The following TXNDC17 variants were observed in gnomAD, a reference collection of about 807,000 sequenced individuals.
The protein encoded by TXNDC17 is thioredoxin domain-containing protein 17.
Under a neutral mutation model 16.3 loss-of-function variants are expected in TXNDC17, and 12 were observed. The ratio of observed to expected loss-of-function variants is 0.74; its 90% CI spans 0.47 to 1.19. The LOEUF (loss-of-function observed/expected upper bound fraction) is 1.19, where lower values mean the gene tolerates loss of function less well. Among genes scored for constraint, TXNDC17 ranks in the 50% most tolerant of loss-of-function variants. The pLI is 0.00. For missense variants in TXNDC17, 158 were observed against 149.7 expected (o/e 1.06, Z -0.29); for synonymous variants, 62 against 55.0 (o/e 1.13, Z -0.56).
At position 6,641,066 on chromosome 17, in the gene TXNDC17, G is replaced by T. The variant is rs368084248; in HGVS notation, c.-17G>T. 24 of 1,609,970 alleles carry T rather than the reference G, an allele frequency of 1.5e-5. No homozygotes were observed. The Admixed American group carries it at 2.7e-4, about 18-fold the overall frequency. On this transcript the variant is annotated 5_prime_UTR_variant, in exon 1 of 4. Coordinates refer to ENST00000250101, the MANE Select transcript of TXNDC17 (RefSeq NM_032731.4). ...ACCGGACGTGCACTCCTCCAGTAGC[G>T]GCTGCACGTCGTGCCAATGGCCCGC...
At chr17:6,641,300 CT>C in intron 1 of TXNDC17, 73 bp downstream of exon 1, 1 of 1,583,516 alleles carries the variant, frequency 6.3e-7, no homozygotes, top group Non-Finnish European at 8.6e-7. Flanking sequence ...AGAAGGGGGG[CT>C]TAGCGGAGGC....
Position 6,641,821 on chromosome 17 carries a change from G to A in TXNDC17, c.214G>A (p.Gly72Arg), listed in dbSNP as rs1324638614. 5 of 1,614,052 alleles carry A rather than the reference G, an allele frequency of 3.1e-6. No homozygotes were observed. The highest frequency in any genetic ancestry group is 1.3e-5 in the African/African-American group (1 of 74,922). The change falls in exon 2 of 4, where the codon GGA (glycine) becomes AGA (arginine). Residue 72 changes from glycine (G) to arginine (R), a missense_variant. Transcript: ENST00000250101. Reference sequence around the variant, plus strand: ...ATGTGTGTTCATCTACTGCCAAGTAGGAGAAAAGCCTTAGTAAGTGGCAAT... The same window carrying A: ...ATGTGTGTTCATCTACTGCCAAGTAAGAGAAAAGCCTTAGTAAGTGGCAAT... ...EGCVFIYCQVGEKPYWKDPNN... is the reference protein window; with the variant it reads ...EGCVFIYCQVREKPYWKDPNN...
chr17:6,642,215 A>G, intron 2 of TXNDC17, 34 bp from the exon 3 acceptor site: 1 of 1,490,292 alleles, frequency 6.7e-7, no homozygotes, highest in Non-Finnish European at 9.3e-7. Flanking sequence ...AACCAAGTAA[A>G]TTTTTTTCAT....
In TXNDC17 at chr17:6,643,212, G is replaced by A. The variant is rs1374974291; in HGVS notation, c.*193G>A. The A allele has an allele frequency of 3.9e-6, 2 of 511,618 alleles. No individual in the cohort carries two copies. The highest frequency in any genetic ancestry group is 3.5e-6 in the Non-Finnish European group (1 of 289,720). The allele number at this position is 511,618 out of a possible 1,614,324, so 31.7% of individuals were successfully genotyped here. On this transcript the variant is annotated 3_prime_UTR_variant, in exon 4 of 4. Transcript: ENST00000250101. The stretch of plus-strand genomic sequence containing the variant: ...TACATGGATATTTTTAAGATATAAA[G>A]AAGTCTTCAGAAATAGCAGTAAAGG...
rs72835776 is a variant in TXNDC17 at position 6,643,684 on chromosome 17, G to A, written c.*665G>A. The stretch of plus-strand genomic sequence containing the variant: ...TAACCACAGGCAAGTTACTCACCCC[G>A]TCCAAACCTCAGTTTTCTCTTCTAT... On this transcript the variant is annotated 3_prime_UTR_variant, in exon 4 of 4. Coordinates refer to ENST00000250101, the MANE Select transcript of TXNDC17 (RefSeq NM_032731.4). 0.078 allele frequency: 12,002 copies of A among 154,780 alleles called. 547 individuals are homozygous for A. The highest frequency in any genetic ancestry group is 0.11 in the Non-Finnish European group (7,514 of 69,776). The allele number at this position is 154,780 out of a possible 1,614,324, so 9.6% of individuals were successfully genotyped here.
intron 1 of TXNDC17, 90 bp downstream of exon 1, chr17:6,641,317 C>T (rs967901959): frequency 1.9e-6 from 3 of 1,558,142 alleles, no homozygotes; most frequent in Non-Finnish European, 2.6e-6. Context: ...GAGGCAGAGT[C>T]TTGGTTCCAG....
rs1972645604 is a variant in TXNDC17, at chr17:6,641,094, T to C, written c.12T>C (p.Tyr4=). 1.9e-6 allele frequency: 3 copies of C among 1,613,032 alleles called. No individual in the cohort carries two copies. The highest frequency in any genetic ancestry group is 2.7e-5 in the African/African-American group (2 of 74,900). Residue 4 remains tyrosine (Y), a synonymous_variant, in exon 1 of 4, where the codon TAT becomes TAC. Coordinates refer to ENST00000250101, the MANE Select transcript of TXNDC17 (RefSeq NM_032731.4). ...TGCACGTCGTGCCAATGGCCCGCTA[T>C]GAGGAGGTGAGCGTGTCCGGCTTCG... MAR[Y]EEVSVSGFEE...
intron 2 of TXNDC17, 81 bp from the exon 3 acceptor site, chr17:6,642,168 A>G (rs1042977229): frequency 2.0e-6 from 2 of 988,846 alleles, no homozygotes; most frequent in Non-Finnish European, 3.1e-6. Flanking sequence ...AAAAAATTAA[A>G]TGTAGGACTA....
Position 6,643,944 on chromosome 17 carries a change from A to G in TXNDC17, c.*925A>G, listed in dbSNP as rs1425028669. ...GATTCTTAAAGCCACCTTGCAAAGC[A>G]GGTAATACAGTTATTTCCTGTCCTG... On this transcript the variant is annotated 3_prime_UTR_variant, in exon 4 of 4. Coordinates refer to ENST00000250101, the MANE Select transcript of TXNDC17 (RefSeq NM_032731.4). 7.6e-6 allele frequency: 3 copies of G among 395,816 alleles called. No individual in the cohort carries two copies. Among genetic ancestry groups the G allele is most frequent in the African/African-American group, 6.2e-5 (3 of 48,592 alleles). The allele number at this position is 395,816 out of a possible 1,614,324, so 24.5% of individuals were successfully genotyped here.
At chr17:6,641,596 C>A in intron 1 of TXNDC17, 157 bp from the exon 2 acceptor site, 1 of 760,338 alleles carries the variant, frequency 1.3e-6, no homozygotes, top group Non-Finnish European at 2.2e-6. Context: ...GGCTCTAAGA[C>A]CAGAAGGGAA....
rs1177014042 is a variant in TXNDC17, at chr17:6,642,000, G to GT, written c.227+167dup. ...AATTTAAAATGCCCACCTGAATTAA[G>GT]TAAGGGTAATTCAACGAATTTGGTC... On this transcript the variant is annotated intron_variant, in intron 2 of 3. Transcript: ENST00000250101. The GT allele has an allele frequency of 4.1e-6, 3 of 735,930 alleles. No homozygotes were observed. In the African/African-American group the frequency reaches 5.3e-5, roughly 13 times the overall value. 45.6% of individuals were successfully genotyped at this position (735,930 alleles called of 1,614,324 possible).
At chr17:6,642,052 T>G in intron 2 of TXNDC17, 197 bp from the exon 3 acceptor site, 1 of 657,554 alleles carries the variant, frequency 1.5e-6, no homozygotes, top group South Asian at 2.0e-5. Flanking sequence ...CTTAGCTGGC[T>G]TTACTTTTAT....
Position 6,641,639 on chromosome 17 carries a change from G to A in TXNDC17, c.146-114G>A, listed in dbSNP as rs1328143193. 11 of 976,358 alleles carry A rather than the reference G, an allele frequency of 1.1e-5. No homozygotes were observed. The African/African-American group carries it at 1.8e-4, about 16-fold the overall frequency. The allele number at this position is 976,358 out of a possible 1,614,324, so 60.5% of individuals were successfully genotyped here. ...CTTGTGTTGACCTCTTCAGTTAGCT[G>A]CAGGTTAAAGTCTGAGTGCTTACCA... On this transcript the variant is annotated intron_variant, in intron 1 of 3. Coordinates refer to ENST00000250101, the MANE Select transcript of TXNDC17 (RefSeq NM_032731.4).
Position 6,644,163 on chromosome 17 carries a change from CT to C in TXNDC17, c.*1145del, listed in dbSNP as rs1178572708. On this transcript the variant is annotated 3_prime_UTR_variant, in exon 4 of 4. Transcript: ENST00000250101. ...ATTCAGTATACTTGGTGGCCCACCC[CT>C]ACCCCATGCCCCAGTGCCTTATTTG... is the stretch of plus-strand genomic sequence containing the variant. 1 of 446,950 alleles carries C rather than the reference CT, an allele frequency of 2.2e-6. No homozygotes were observed. Among genetic ancestry groups the C allele is most frequent in the Non-Finnish European group, 3.9e-6 (1 of 254,584 alleles). 27.7% of individuals were successfully genotyped at this position (446,950 alleles called of 1,614,324 possible). A position where few individuals can be genotyped will look rare whatever the true frequency, so the allele number is the denominator to read the frequency against.
chr17:6,643,183 G>A lies in TXNDC17; in HGVS notation c.*164G>A. 1 of 564,914 alleles carries A rather than the reference G, an allele frequency of 1.8e-6. No homozygotes were observed. The highest frequency in any genetic ancestry group is 3.1e-6 in the Non-Finnish European group (1 of 320,062). 35.0% of individuals were successfully genotyped at this position (564,914 alleles called of 1,614,324 possible). A position where few individuals can be genotyped will look rare whatever the true frequency, so the allele number is the denominator to read the frequency against. ...ATGCCCATGAACCTTTAGTTTGCCTGTAATACATGGATATTTTTAAGATAT... is the reference window on the plus strand; with the variant it reads ...ATGCCCATGAACCTTTAGTTTGCCTATAATACATGGATATTTTTAAGATAT... On this transcript the variant is annotated 3_prime_UTR_variant, in exon 4 of 4. Coordinates refer to ENST00000250101, the MANE Select transcript of TXNDC17 (RefSeq NM_032731.4).
At position 6,641,146 on chromosome 17, in the gene TXNDC17, C is replaced by A; in HGVS notation, c.64C>A (p.His22Asn). 6.2e-7 allele frequency: 1 copy of A among 1,613,838 alleles called. No homozygotes were observed. The change falls in exon 1 of 4, where the codon CAC (histidine) becomes AAC (asparagine). Residue 22 changes from histidine to asparagine, a missense_variant. His to Asn is a moderately conservative substitution (Grantham distance 68). Coordinates refer to ENST00000250101, the MANE Select transcript of TXNDC17 (RefSeq NM_032731.4). Reference protein sequence around the residue: ...FEEFHRAVEQHNGKTIFAYFT... With the variant: ...FEEFHRAVEQNNGKTIFAYFT... ...GGAGTTCCACCGGGCCGTGGAACAGCACAATGGCAAGACCATTTTCGCCTA... is the reference window on the plus strand; with the variant it reads ...GGAGTTCCACCGGGCCGTGGAACAGAACAATGGCAAGACCATTTTCGCCTA...
chr17:6,641,549 C>A, intron 1 of TXNDC17: 1 of 646,860 alleles, frequency 1.5e-6, no homozygotes, highest in Non-Finnish European at 2.7e-6. Flanking sequence ...GGTGCAGGGG[C>A]AAATCGGGAC....
rs1436809459 is a variant in TXNDC17, at chr17:6,641,817, A to C, written c.210A>C (p.Gln70His). 2 of 1,614,062 alleles carry C rather than the reference A, an allele frequency of 1.2e-6. No homozygotes were observed. Among genetic ancestry groups the C allele is most frequent in the Middle Eastern group, 3.3e-4 (2 of 6,084 alleles). The change falls in exon 2 of 4, where the codon CAA becomes CAC. Residue 70 changes from glutamine to histidine, a missense_variant. Physicochemically the swap from Gln to His is conservative, Grantham distance 24. Coordinates refer to ENST00000250101, the MANE Select transcript of TXNDC17 (RefSeq NM_032731.4). ...AAGGATGTGTGTTCATCTACTGCCA[A>C]GTAGGAGAAAAGCCTTAGTAAGTGG... Reference protein sequence around the residue: ...ISEGCVFIYCQVGEKPYWKDP... With the variant: ...ISEGCVFIYCHVGEKPYWKDP...
At position 6,644,535 on chromosome 17, in the gene TXNDC17, G is replaced by T; in HGVS notation, c.*1516G>T. The T allele has an allele frequency of 6.2e-7, 1 of 1,613,192 alleles. No individual in the cohort carries two copies. The highest frequency in any genetic ancestry group is 8.5e-7 in the Non-Finnish European group (1 of 1,179,792). On this transcript the variant is annotated 3_prime_UTR_variant, in exon 4 of 4. Coordinates refer to ENST00000250101, the MANE Select transcript of TXNDC17 (RefSeq NM_032731.4). ...GCTTGCTGAAGGCGCATCCGCTTCC[G>T]GGAATAGTGCTGCCAATGTAGAATC...
Sources: allele counts gnomAD v4.1 joint callset, GRCh38; gene constraint gnomAD v4.1.1; transcripts MANE v1.5; gene names NCBI Gene and HGNC (gene_info 2026-07-23, HGNC 2026-07-21).